The following INO80 variants were observed in gnomAD, a reference collection of about 807,000 sequenced individuals.
INO80 encodes the protein chromatin-remodeling ATPase INO80.
A neutral mutation model predicts 203.4 loss-of-function variants in INO80; 20 were observed. That is an observed-to-expected ratio of 0.10 (90% CI 0.07 to 0.14). The LOEUF (loss-of-function observed/expected upper bound fraction) is 0.14. Ranked by LOEUF, INO80 falls within the 10% of genes least tolerant of loss-of-function variation. The pLI is 1.00. For synonymous variants in INO80, 726 were observed against 685.2 expected (o/e 1.06, Z -0.93); for missense variants, 1,419 against 1,914.4 (o/e 0.74, Z 4.83).
chr15:40,983,598 T>C (rs974798838), intron 34 of INO80, among the ~76,000 whole-genome samples, 164 bp downstream of exon 34: 1 of 152,146 alleles, frequency 6.6e-6, no homozygotes, highest in Non-Finnish European at 1.5e-5. Context: ...CTTTATAAAG[T>C]TACTTATTTT....
At chr15:41,107,015 C>T (rs994536538) in intron 1 of INO80, among the ~76,000 whole-genome samples, 1 of 152,194 alleles carries the variant, frequency 6.6e-6, no homozygotes, top group African/African-American at 2.4e-5. Flanking sequence ...TAAAGTATAA[C>T]GCTTATGTAC....
intron 5 of INO80, 148 bp downstream of exon 5, chr15:41,091,879 C>G (rs1465128807): frequency 1.9e-6 from 1 of 533,592 alleles, no homozygotes; most frequent in African/African-American, 1.9e-5. Flanking sequence ...GTTTCAATTT[C>G]TTGACCTCAT....
At chr15:40,998,091 A>C (rs550653112) in intron 28 of INO80, among the ~76,000 whole-genome samples, 9 of 139,552 alleles carry the variant, frequency 6.4e-5, no homozygotes, top group Non-Finnish European at 1.2e-4. Context: ...GCGCGATCTC[A>C]GCTCACTGCA....
At chr15:40,994,661 G>A (rs1319877966) in intron 29 of INO80, among the ~76,000 whole-genome samples, 1 of 151,866 alleles carries the variant, frequency 6.6e-6, no homozygotes, top group East Asian at 1.9e-4. Flanking sequence ...CACTGCACCT[G>A]GCCCCATATT....
chr15:41,074,663 C>G (rs930543500), intron 9 of INO80, 98 bp from the exon 10 acceptor site: 1 of 777,804 alleles, frequency 1.3e-6, no homozygotes, highest in East Asian at 2.8e-5. Flanking sequence ...ATTCCTTTAC[C>G]AACTGTTTAC....
chr15:41,102,074 C>A (rs2045817051), intron 1 of INO80, among the ~76,000 whole-genome samples: 1 of 151,986 alleles, frequency 6.6e-6, no homozygotes, highest in African/African-American at 2.4e-5. Context: ...ACCTGTAGTC[C>A]CAGCTACTCA....
chr15:41,066,864 T>G lies in INO80; in HGVS notation c.1782+2706A>C, dbSNP rs1177173834. On this transcript the variant is annotated intron_variant, in intron 14 of 35. Transcript: ENST00000648947. ...AAAAAAGCAAAAAAAAAAAAAAAAA[T>G]CAAAAGAGGTGGCAACACCCACAGG... Among the ~76,000 whole-genome samples, 68 of 95,226 alleles carry G rather than the reference T, an allele frequency of 7.1e-4. 1 individual carries two copies. The highest frequency in any genetic ancestry group is 2.9e-3 in the African/African-American group (66 of 22,554). 62.5% of individuals were successfully genotyped at this position (95,226 alleles called of 152,430 possible). A position where few individuals can be genotyped will look rare whatever the true frequency, so the allele number is the denominator to read the frequency against.
At chr15:41,055,479 T>A (rs1454814999) in intron 17 of INO80, 115 bp from the exon 18 acceptor site, 1 of 449,242 alleles carries the variant, frequency 2.2e-6, no homozygotes, top group East Asian at 3.5e-5. Flanking sequence ...TAGATGCATG[T>A]GTATGTGTGA....
chr15:41,031,435 A>C (rs1257974111), intron 24 of INO80, among the ~76,000 whole-genome samples: 3 of 140,350 alleles, frequency 2.1e-5, no homozygotes, highest in Non-Finnish European at 4.6e-5. Context: ...GGAGAAAGAA[A>C]GAAGGAAAGG....
intron 24 of INO80, among the ~76,000 whole-genome samples, chr15:41,034,879 C>G (rs959059873): frequency 1.6e-4 from 25 of 152,148 alleles, no homozygotes; most frequent in African/African-American, 5.8e-4. Flanking sequence ...AACTGCTTCT[C>G]TTCTGCATTA....
chr15:41,037,521 TAAATA>T (rs1163293939), intron 24 of INO80, among the ~76,000 whole-genome samples: 5 of 151,768 alleles, frequency 3.3e-5, no homozygotes, highest in African/African-American at 1.2e-4. Flanking sequence ...ATTAATTAAT[TAAATA>T]AAATAATGTT....
At chr15:40,980,605 G>A (rs2140402308) in intron 35 of INO80, among the ~76,000 whole-genome samples, 165 bp from the exon 36 acceptor site, 1 of 152,290 alleles carries the variant, frequency 6.6e-6, no homozygotes, top group Non-Finnish European at 1.5e-5. Flanking sequence ...TGCTCTTCCT[G>A]TCAACTGTCT....
At chr15:41,013,967 AT>A (rs1221824024) in intron 27 of INO80, among the ~76,000 whole-genome samples, 4 of 152,182 alleles carry the variant, frequency 2.6e-5, no homozygotes, top group African/African-American at 9.7e-5. Flanking sequence ...TAACCCAAAA[AT>A]AACTGTTGGA....
At chr15:41,004,416 A>G (rs768220424) in intron 28 of INO80, 1 of 152,272 alleles carries the variant, frequency 6.6e-6, no homozygotes, top group Non-Finnish European at 1.5e-5. Flanking sequence ...CTATGTGCTT[A>G]ATTTTCTTAA....
chr15:41,072,706 T>C (rs2045342524), intron 11 of INO80, among the ~76,000 whole-genome samples: 1 of 149,754 alleles, frequency 6.7e-6, no homozygotes, highest in Non-Finnish European at 1.5e-5. Context: ...ATTACTTAAG[T>C]GAAAGAAGGC....
At chr15:41,001,350 A>T (rs889713693) in intron 28 of INO80, among the ~76,000 whole-genome samples, 7 of 129,448 alleles carry the variant, frequency 5.4e-5, no homozygotes, top group Non-Finnish European at 5.1e-5. Context: ...ACTCTTCTTT[A>T]ATAACCCACT....
chr15:41,026,361 T>C (rs2044374468), intron 25 of INO80, among the ~76,000 whole-genome samples: 1 of 152,014 alleles, frequency 6.6e-6, no homozygotes, highest in Non-Finnish European at 1.5e-5. Flanking sequence ...GAGAATAGCC[T>C]GGGCGACATG....
intron 28 of INO80, among the ~76,000 whole-genome samples, chr15:40,998,162 T>C (rs572221340): frequency 2.0e-5 from 3 of 151,560 alleles, no homozygotes; most frequent in East Asian, 3.9e-4. Context: ...GCTGGGACTA[T>C]AGGCGCTCGC....
intron 4 of INO80, among the ~76,000 whole-genome samples, chr15:41,094,265 G>A (rs1200817355): frequency 1.3e-5 from 2 of 152,172 alleles, no homozygotes; most frequent in Non-Finnish European, 2.9e-5. Flanking sequence ...TCACAGTCTT[G>A]TAACTTCATC....
Sources: gnomAD v4.1 joint callset for allele counts (sites outside exome capture counted in the v4.1 genomes callset) on GRCh38, gnomAD v4.1.1 for gene constraint, MANE v1.5 for transcripts, NCBI Gene and HGNC (gene_info 2026-07-23, HGNC 2026-07-21) for gene names.